SATL1: variants seen among roughly 807,000 people sequenced by gnomAD.
The protein encoded by SATL1 is spermidine/spermine N1-acetyl transferase like 1, also known as spermidine/spermine N(1)-acetyltransferase-like protein 1.
SATL1 carries 47 observed loss-of-function variants against 51.8 expected under a neutral mutation model. The observed-to-expected ratio is 0.91, with a 90% CI of 0.72 to 1.16. The LOEUF (loss-of-function observed/expected upper bound fraction) is 1.16, where lower values mean the gene tolerates loss of function less well. Ranked by LOEUF, SATL1 falls within the 50% of genes most tolerant of loss-of-function variation. SATL1 has a pLI of 0.00. For missense variants in SATL1, 520 were observed against 526.4 expected (o/e 0.99, Z 0.12); for synonymous variants, 176 against 182.4 (o/e 0.97, Z 0.28).
intron 2 of SATL1, among the ~76,000 whole-genome samples, chrX:85,185,063 C>T (rs1198828530): frequency 8.9e-6 from 1 of 112,355 alleles, no homozygotes; most frequent in Non-Finnish European, 1.9e-5. Context: ...CAGCCCAAGC[C>T]CATAACATTG....
chrX:85,120,062 C>T lies in SATL1; in HGVS notation c.-312-10782G>A, dbSNP rs184373999. On this transcript the variant is annotated intron_variant, in intron 2 of 7. Coordinates refer to ENST00000644105, the MANE Select transcript of SATL1 (RefSeq NM_001367857.2). Reference sequence around the variant, plus strand: ...TCCCGCTTTTTCTCCTTCAAATAGTCCTCCTTTTAAACTGCCTAGTAACCC... The same window carrying T: ...TCCCGCTTTTTCTCCTTCAAATAGTTCTCCTTTTAAACTGCCTAGTAACCC... Among the ~76,000 whole-genome samples the T allele has an allele frequency of 7.3e-3, 818 of 111,316 alleles. 3 individuals carry two copies. Among genetic ancestry groups the T allele is most frequent in the South Asian group, 0.011 (30 of 2,651 alleles).
chrX:85,113,355 T>C (rs1214507986), intron 2 of SATL1, among the ~76,000 whole-genome samples: 1 of 111,786 alleles, frequency 8.9e-6, no homozygotes, highest in African/African-American at 3.3e-5. Flanking sequence ...ACCGACATGC[T>C]GCAGTAATGC....
chrX:85,168,255 C>T (rs754887274), intron 2 of SATL1, among the ~76,000 whole-genome samples: 2 of 111,217 alleles, frequency 1.8e-5, no homozygotes, highest in East Asian at 2.8e-4. Context: ...TCCTATTCAA[C>T]GTAGTATCAG....
chrX:85,103,723 A>C (rs952741675), intron 4 of SATL1, 141 bp downstream of exon 4: 1 of 373,823 alleles, frequency 2.7e-6, no homozygotes, highest in Non-Finnish European at 4.8e-6. Flanking sequence ...ATAGTGGAGC[A>C]CTGACAAAGC....
chrX:85,146,414 G>T (rs377645219), intron 2 of SATL1, among the ~76,000 whole-genome samples: 1 of 111,662 alleles, frequency 9.0e-6, no homozygotes, highest in East Asian at 2.8e-4. Flanking sequence ...GATGAATATG[G>T]ATTGCATTCC....
intron 2 of SATL1, among the ~76,000 whole-genome samples, chrX:85,193,249 G>A (rs967900421): frequency 1.4e-4 from 16 of 111,619 alleles, no homozygotes; most frequent in Non-Finnish European, 1.7e-4. Flanking sequence ...AAATGATGAT[G>A]GTACAATGTG....
intron 2 of SATL1, among the ~76,000 whole-genome samples, chrX:85,115,104 A>C (rs1351502211): frequency 8.9e-6 from 1 of 111,899 alleles, no homozygotes; most frequent in East Asian, 2.8e-4. Context: ...AGGAATATTC[A>C]TGGAAAGCCT....
chrX:85,189,626 C>T (rs1728663367), intron 2 of SATL1, among the ~76,000 whole-genome samples: 1 of 112,027 alleles, frequency 8.9e-6, no homozygotes. Flanking sequence ...ATGCTAATAT[C>T]CACTTGAATA....
At chrX:85,164,255 T>C (rs1926784491) in intron 2 of SATL1, among the ~76,000 whole-genome samples, 1 of 111,907 alleles carries the variant, frequency 8.9e-6, no homozygotes, top group African/African-American at 3.2e-5. Context: ...TATTGAGATG[T>C]GAGGTACTGT....
chrX:85,179,463 A>C (rs1161534703), intron 2 of SATL1, among the ~76,000 whole-genome samples: 1 of 111,820 alleles, frequency 8.9e-6, no homozygotes, highest in Admixed American at 9.5e-5. Flanking sequence ...GAAATCGTTC[A>C]GTGATCTTGA....
intron 2 of SATL1, chrX:85,210,044 C>A (rs769973988): frequency 1.8e-5 from 2 of 110,053 alleles, no homozygotes; most frequent in South Asian, 7.8e-4. Context: ...CACTGCCACT[C>A]TCATAAGTGT....
Position 85,221,071 on chromosome X carries a change from C to T in SATL1, c.-313+3134G>A, listed in dbSNP as rs1006068362. On this transcript the variant is annotated intron_variant, in intron 2 of 7. Coordinates refer to ENST00000644105, the MANE Select transcript of SATL1 (RefSeq NM_001367857.2). ...TACGGTAATATTTTAATATACATGC[C>T]TAGTCTTGTTATATTTCTCCTTAAA... Among the ~76,000 whole-genome samples, 4 of 111,236 alleles carry T rather than the reference C, an allele frequency of 3.6e-5. No homozygotes were observed. In the East Asian group the frequency reaches 1.1e-3, roughly 31 times the overall value.
intron 2 of SATL1, chrX:85,209,110 C>T (rs1927852071): frequency 8.9e-6 from 1 of 112,230 alleles, no homozygotes; most frequent in South Asian, 3.7e-4. Flanking sequence ...CTGCATATGG[C>T]TAGCCAGTTT....
intron 1 of SATL1, among the ~76,000 whole-genome samples, 184 bp from the exon 2 acceptor site, chrX:85,224,510 T>C (rs981038220): frequency 9.0e-6 from 1 of 111,272 alleles, no homozygotes; most frequent in Non-Finnish European, 1.9e-5. Context: ...ATTGACATTT[T>C]AGCAGGCACT....
At chrX:85,160,598 C>T (rs1347356425) in intron 2 of SATL1, among the ~76,000 whole-genome samples, 1 of 110,184 alleles carries the variant, frequency 9.1e-6, no homozygotes, top group African/African-American at 3.3e-5. Context: ...AGCTTGAAGA[C>T]TGGCTTTCTA....
chrX:85,137,546 T>C (rs967322510), intron 2 of SATL1, among the ~76,000 whole-genome samples: 13 of 111,308 alleles, frequency 1.2e-4, no homozygotes, highest in Admixed American at 1.9e-4. Context: ...CCCACTCCAC[T>C]CCACCCCACC....
chrX:85,123,596 T>A (rs1477388892), intron 2 of SATL1, among the ~76,000 whole-genome samples: 1 of 111,785 alleles, frequency 8.9e-6, no homozygotes, highest in Non-Finnish European at 1.9e-5. Flanking sequence ...TTGCAAATAT[T>A]TTCTCCCATT....
chrX:85,181,177 ATG>A (rs1299879366), intron 2 of SATL1, among the ~76,000 whole-genome samples: 4 of 91,794 alleles, frequency 4.4e-5, no homozygotes, highest in Non-Finnish European at 6.1e-5. Context: ...ATATATATAT[ATG>A]TGTGTGTGTA....
intron 2 of SATL1, among the ~76,000 whole-genome samples, chrX:85,132,573 G>A (rs1234676330): frequency 9.0e-6 from 1 of 111,318 alleles, no homozygotes. Context: ...AAGGTTTTTA[G>A]CTTGCTTGCA....
Sources: gnomAD v4.1 joint callset for allele counts (sites outside exome capture counted in the v4.1 genomes callset) on GRCh38, gnomAD v4.1.1 for gene constraint, MANE v1.5 for transcripts, NCBI Gene and HGNC (gene_info 2026-07-23, HGNC 2026-07-21) for gene names.